The following ZFPM2 variants were observed in gnomAD, a reference collection of about 807,000 sequenced individuals.
ZFPM2 encodes zinc finger protein, FOG family member 2.
In ZFPM2, 20 loss-of-function variants were observed where a neutral mutation model predicts 98.6. That is an observed-to-expected ratio of 0.20 (90% CI 0.14 to 0.29). The LOEUF is 0.29. Among genes scored for constraint, ZFPM2 ranks in the 10% least tolerant of loss-of-function variants. The pLI is 1.00. For missense variants in ZFPM2, 1,310 were observed against 1,388.6 expected, an observed-to-expected ratio of 0.94 and a Z score of 0.90; for synonymous variants, 518 against 502.7, an observed-to-expected ratio of 1.03 and a Z score of -0.41.
chr8:105,501,401 T>G (rs1586419612), intron 3 of ZFPM2, among the ~76,000 whole-genome samples: 1 of 152,238 alleles, frequency 6.6e-6, no homozygotes, highest in Non-Finnish European at 1.5e-5. Flanking sequence ...GCCAGGCTGG[T>G]TTTGAACTCC....
intron 1 of ZFPM2, among the ~76,000 whole-genome samples, chr8:105,362,220 A>G (rs1488876124): frequency 1.3e-5 from 2 of 152,222 alleles, no homozygotes; most frequent in East Asian, 3.9e-4. Flanking sequence ...ATTGCATAGG[A>G]GATTCTAAAG....
At chr8:105,627,018 T>A (rs1009939781) in intron 4 of ZFPM2, among the ~76,000 whole-genome samples, 5 of 152,218 alleles carry the variant, frequency 3.3e-5, no homozygotes, top group African/African-American at 1.2e-4. Context: ...ACCCTCCTTT[T>A]GGAAATCCTC....
intron 5 of ZFPM2, among the ~76,000 whole-genome samples, chr8:105,666,846 T>C (rs1308479333): frequency 6.6e-6 from 1 of 152,162 alleles, no homozygotes; most frequent in African/African-American, 2.4e-5. Context: ...AAGAATGTTC[T>C]TGATGGAGCA....
chr8:105,346,835 T>A (rs771649562), intron 1 of ZFPM2, among the ~76,000 whole-genome samples: 1 of 152,136 alleles, frequency 6.6e-6, no homozygotes. Flanking sequence ...AATGACAGGA[T>A]CCAACGATGA....
Position 105,801,525 on chromosome 8 carries a change from A to G in ZFPM2, c.1443A>G (p.Ser481=). 2 of 1,613,896 alleles carry G rather than the reference A, an allele frequency of 1.2e-6. No individual in the cohort carries two copies. The highest frequency in any genetic ancestry group is 1.7e-6 in the Non-Finnish European group (2 of 1,179,850). ...KSEPSSPRLA[S]SPVQPNIGPS... ...AGCCCTCTAGCCCAAGACTTGCCTC[A>G]TCTCCAGTTCAGCCTAATATTGGGC... The change falls in exon 8 of 8, where the codon TCA becomes TCG. Residue 481 remains serine, a synonymous_variant. Coordinates refer to ENST00000407775, the MANE Select transcript of ZFPM2 (RefSeq NM_012082.4).
chr8:105,390,269 A>G (rs1396189958), intron 1 of ZFPM2, among the ~76,000 whole-genome samples: 1 of 152,184 alleles, frequency 6.6e-6, no homozygotes, highest in Non-Finnish European at 1.5e-5. Flanking sequence ...TTAGGTTGAT[A>G]TGATAATTCA....
intron 5 of ZFPM2, among the ~76,000 whole-genome samples, chr8:105,681,252 A>C (rs148398023): frequency 1.3e-5 from 2 of 152,106 alleles, no homozygotes; most frequent in Non-Finnish European, 2.9e-5. Context: ...TCATGTCTCT[A>C]CCCTGCCCTC....
chr8:105,347,520 A>G (rs1265010842), intron 1 of ZFPM2, among the ~76,000 whole-genome samples: 2 of 152,180 alleles, frequency 1.3e-5, no homozygotes, highest in Non-Finnish European at 2.9e-5. Context: ...CCAAGAGGTT[A>G]TGTTTCAAAT....
chr8:105,353,401 C>A (rs1227445013), intron 1 of ZFPM2, among the ~76,000 whole-genome samples: 1 of 152,054 alleles, frequency 6.6e-6, no homozygotes, highest in Non-Finnish European at 1.5e-5. Context: ...AAAGCACTTA[C>A]CATCAACTGA....
chr8:105,601,557 ATTC>A (rs1192836856), intron 4 of ZFPM2, among the ~76,000 whole-genome samples: 1 of 152,072 alleles, frequency 6.6e-6, no homozygotes, highest in Non-Finnish European at 1.5e-5. Flanking sequence ...TTATAGCCAA[ATTC>A]TTCTAAAAGT....
At position 105,326,075 on chromosome 8, in the gene ZFPM2, G is replaced by T. The variant is rs558975256; in HGVS notation, c.40+7094G>T. On this transcript the variant is annotated intron_variant, in intron 1 of 7. Coordinates refer to ENST00000407775, the MANE Select transcript of ZFPM2 (RefSeq NM_012082.4). ...CCTATGTCTACGGTGAGAGAGTTTT[G>T]CTGTGTAGTTTCAAGTCCAAGAAAG... Among the ~76,000 whole-genome samples, 19 of 151,748 alleles carry T rather than the reference G, an allele frequency of 1.3e-4. No homozygotes were observed. In the South Asian group the frequency reaches 3.9e-3, roughly 31 times the overall value.
intron 5 of ZFPM2, among the ~76,000 whole-genome samples, chr8:105,635,747 A>G (rs1218018207): frequency 6.6e-6 from 1 of 152,226 alleles, no homozygotes; most frequent in Non-Finnish European, 1.5e-5. Context: ...ACAATATTTT[A>G]TCTTCATTGT....
chr8:105,742,665 G>T (rs768919352), intron 5 of ZFPM2, among the ~76,000 whole-genome samples: 3 of 152,012 alleles, frequency 2.0e-5, no homozygotes, highest in Non-Finnish European at 4.4e-5. Flanking sequence ...GCTGAGTTGG[G>T]CCAGTCACCT....
At chr8:105,722,066 T>G (rs529925754) in intron 5 of ZFPM2, among the ~76,000 whole-genome samples, 1 of 151,702 alleles carries the variant, frequency 6.6e-6, no homozygotes, top group East Asian at 1.9e-4. Flanking sequence ...AATTTTACCT[T>G]TTTCCTTTTT....
At chr8:105,687,533 A>G (rs1810769409) in intron 5 of ZFPM2, among the ~76,000 whole-genome samples, 2 of 152,172 alleles carry the variant, frequency 1.3e-5, no homozygotes, top group Admixed American at 1.3e-4. Context: ...TGTAAACTGT[A>G]TAAATAAGAA....
chr8:105,687,255 T>C (rs750449843), intron 5 of ZFPM2, among the ~76,000 whole-genome samples: 3 of 152,162 alleles, frequency 2.0e-5, no homozygotes, highest in East Asian at 3.9e-4. Flanking sequence ...ATAAGAAATA[T>C]ATGCTGTTGT....
At chr8:105,332,140 T>A (rs1469034231) in intron 1 of ZFPM2, among the ~76,000 whole-genome samples, 1 of 151,778 alleles carries the variant, frequency 6.6e-6, no homozygotes, top group Admixed American at 6.6e-5. Flanking sequence ...TTCCTAGATT[T>A]CCGTATGGCT....
intron 3 of ZFPM2, among the ~76,000 whole-genome samples, chr8:105,530,270 A>G (rs1007273292): frequency 6.6e-6 from 1 of 152,126 alleles, no homozygotes; most frequent in Admixed American, 6.6e-5. Context: ...CATAATCTTT[A>G]TGAAAATCTC....
intron 3 of ZFPM2, among the ~76,000 whole-genome samples, chr8:105,500,270 G>C (rs541444096): frequency 6.6e-6 from 1 of 152,126 alleles, no homozygotes; most frequent in Non-Finnish European, 1.5e-5. Context: ...AATAGAATAT[G>C]ACTTTAGAAA....
Sources: allele counts gnomAD v4.1 joint callset (sites outside exome capture counted in the v4.1 genomes callset), GRCh38; gene constraint gnomAD v4.1.1; transcripts MANE v1.5; gene names NCBI Gene and HGNC (gene_info 2026-07-23, HGNC 2026-07-21).